Variants in VPS13A observed in about 807,000 individuals in gnomAD.
VPS13A encodes vacuolar protein sorting 13 homolog A.
In VPS13A, 264 loss-of-function variants were observed where a neutral mutation model predicts 390.9. The observed-to-expected ratio is 0.68, with a 90% CI of 0.61 to 0.75. The LOEUF (loss-of-function observed/expected upper bound fraction) is 0.75. Among genes scored for constraint, VPS13A ranks in the 30% least tolerant of loss-of-function variants. The pLI is 0.00. For synonymous variants in VPS13A, 1,231 were observed against 1,227.1 expected (o/e 1.00, Z -0.07); for missense variants, 3,409 against 3,733.9 (o/e 0.91, Z 2.27).
At chr9:77,399,225 C>T (rs1028371901) in intron 68 of VPS13A, among the ~76,000 whole-genome samples, 3 of 132,228 alleles carry the variant, frequency 2.3e-5, no homozygotes, top group Admixed American at 1.6e-4. Flanking sequence ...CGGTTGATTA[C>T]GTTTCAAAAC....
intron 46 of VPS13A, 146 bp from the exon 47 acceptor site, chr9:77,337,109 C>T (rs1270527887): frequency 3.3e-6 from 3 of 912,156 alleles, no homozygotes; most frequent in East Asian, 2.8e-5. Context: ...ATCTATCTTA[C>T]TTATATCGTA....
intron 39 of VPS13A, among the ~76,000 whole-genome samples, chr9:77,316,886 T>C (rs531825416): frequency 3.3e-5 from 5 of 152,232 alleles, no homozygotes; most frequent in Admixed American, 3.3e-4. Flanking sequence ...TATTTTACTC[T>C]CTAGTAACCT....
chr9:77,408,580 G>A (rs904252580), intron 71 of VPS13A, among the ~76,000 whole-genome samples: 1 of 152,212 alleles, frequency 6.6e-6, no homozygotes, highest in African/African-American at 2.4e-5. Flanking sequence ...GGAAAATCGG[G>A]TCACTCCCAC....
chr9:77,284,351 A>G (rs1827214142), intron 31 of VPS13A, among the ~76,000 whole-genome samples: 2 of 152,230 alleles, frequency 1.3e-5, no homozygotes, highest in African/African-American at 4.8e-5. Context: ...AGATAAATAG[A>G]TTTTGCCAGT....
At position 77,262,967 on chromosome 9, in the gene VPS13A, T is replaced by C. The variant is rs569408148; in HGVS notation, c.2427+2743T>C. Among the ~76,000 whole-genome samples the C allele has an allele frequency of 4.6e-4, 70 of 152,276 alleles. 1 individual carries two copies. Among genetic ancestry groups the C allele is most frequent in the Middle Eastern group, 3.4e-3 (1 of 294 alleles). On this transcript the variant is annotated intron_variant, in intron 23 of 71. Coordinates refer to ENST00000360280, the MANE Select transcript of VPS13A (RefSeq NM_033305.3). ...TGTACCCAGTAATGGGATTGCTGGG[T>C]CAAATGGTATTTCTGGTTCTAGATC... is the stretch of plus-strand genomic sequence containing the variant.
At chr9:77,408,741 CT>C (rs1834752904) in intron 71 of VPS13A, among the ~76,000 whole-genome samples, 1 of 152,202 alleles carries the variant, frequency 6.6e-6, no homozygotes, top group Admixed American at 6.5e-5. Flanking sequence ...AGCAGAGAGG[CT>C]GGGGGAGGGG....
intron 54 of VPS13A, among the ~76,000 whole-genome samples, chr9:77,354,743 C>T (rs1831665125): frequency 6.6e-6 from 1 of 152,098 alleles, no homozygotes; most frequent in African/African-American, 2.4e-5. Flanking sequence ...TACTACCTTG[C>T]ATTCCACTTC....
In VPS13A at chr9:77,218,544, T is replaced by A. The variant is rs535583375; in HGVS notation, c.755-1410T>A. Among the ~76,000 whole-genome samples, 12 of 152,302 alleles carry A rather than the reference T, an allele frequency of 7.9e-5. No individual in the cohort carries two copies. The East Asian group carries it at 2.3e-3, about 29-fold the overall frequency. On this transcript the variant is annotated intron_variant, in intron 10 of 71. Transcript: ENST00000360280. ...TTTTCTCCCATTCTACAGTTTGATA[T>A]TTTAATAATCTCTCCAGGTGATTCT...
chr9:77,323,078 C>A lies in VPS13A; in HGVS notation c.5842C>A (p.His1948Asn). Residue 1948 changes from histidine to asparagine, a missense_variant, in exon 45 of 72, where the codon CAT (histidine) becomes AAT (asparagine). Physicochemically the swap from His to Asn is moderately conservative, Grantham distance 68. Transcript: ENST00000360280. ...CTTACTTAATTTAGCACCTGTTAAC[C>A]ATTCTACTGCTGATAAGATTCCTTT... is the stretch of plus-strand genomic sequence containing the variant. Reference protein sequence around the residue: ...LFFILLTPVNHSTADKIPLTK... With the variant: ...LFFILLTPVNNSTADKIPLTK... 1 of 1,611,346 alleles carries A rather than the reference C, an allele frequency of 6.2e-7. No homozygotes were observed. The highest frequency in any genetic ancestry group is 8.5e-7 in the Non-Finnish European group (1 of 1,178,250).
Position 77,353,574 on chromosome 9 carries a change from C to A in VPS13A, c.7585C>A (p.Gln2529Lys), listed in dbSNP as rs1207841768. 2 of 1,613,406 alleles carry A rather than the reference C, an allele frequency of 1.2e-6. No individual in the cohort carries two copies. The highest frequency in any genetic ancestry group is 1.7e-6 in the Non-Finnish European group (2 of 1,179,594). ...AGAGCAAGAAATTGCAGTGGCATTA[C>A]AAGATGTTGGAATTTCTCTTGTCAA... ...LAEQEIAVALQDVGISLVNNY... is the reference protein window; with the variant it reads ...LAEQEIAVALKDVGISLVNNY... Residue 2529 changes from glutamine (Q) to lysine (K), a missense_variant, in exon 54 of 72, where the codon CAA becomes AAA. Coordinates refer to ENST00000360280, the MANE Select transcript of VPS13A (RefSeq NM_033305.3).
Position 77,260,813 on chromosome 9 carries a change from T to A in VPS13A, c.2427+589T>A, listed in dbSNP as rs1032337206. On this transcript the variant is annotated intron_variant, in intron 23 of 71. Coordinates refer to ENST00000360280, the MANE Select transcript of VPS13A (RefSeq NM_033305.3). ...ACTGCTTCTCTAGTTTTTAAAAAAA[T>A]TTTTGTGGCATATACTAGTACACAC... Among the ~76,000 whole-genome samples, 7 of 152,238 alleles carry A rather than the reference T, an allele frequency of 4.6e-5. No homozygotes were observed. The South Asian group carries it at 6.2e-4, about 14-fold the overall frequency.
chr9:77,207,916 C>T (rs948470123), intron 5 of VPS13A, among the ~76,000 whole-genome samples: 15 of 152,070 alleles, frequency 9.9e-5, no homozygotes, highest in African/African-American at 3.6e-4. Flanking sequence ...TTTCATTACC[C>T]TGCAAGATAT....
chr9:77,327,780 A>C (rs6560582), intron 45 of VPS13A, among the ~76,000 whole-genome samples: 3,767 of 152,206 alleles, frequency 0.025, 146 homozygotes, highest in African/African-American at 0.086. Flanking sequence ...CTCCAATTCT[A>C]ATTCTAGTTC....
intron 17 of VPS13A, among the ~76,000 whole-genome samples, chr9:77,233,044 T>A (rs1823926781): frequency 6.6e-6 from 1 of 152,212 alleles, no homozygotes; most frequent in Non-Finnish European, 1.5e-5. Context: ...AAGTAGGATC[T>A]GTAGGTTACA....
Position 77,333,427 on chromosome 9 carries a change from T to G in VPS13A, c.6095+1314T>G, listed in dbSNP as rs952686978. On this transcript the variant is annotated intron_variant, in intron 46 of 71. Transcript: ENST00000360280. Reference sequence around the variant, plus strand: ...ACCAGCTTGGATTTCTCATTAGGCATTTTTTTTTTTTTTTTTTTTTTGAGA... The same window carrying G: ...ACCAGCTTGGATTTCTCATTAGGCAGTTTTTTTTTTTTTTTTTTTTTGAGA... 1.2e-4 allele frequency among the ~76,000 whole-genome samples: 4 copies of G among 32,328 alleles called. No homozygotes were observed. The East Asian group carries it at 6.2e-3, about 50-fold the overall frequency. The allele number at this position is 32,328 out of a possible 152,430, so 21.2% of individuals were successfully genotyped here. A position where few individuals can be genotyped will look rare whatever the true frequency, so the allele number is the denominator to read the frequency against.
chr9:77,273,116 G>A (rs550284398), intron 23 of VPS13A, among the ~76,000 whole-genome samples, 164 bp from the exon 24 acceptor site: 9 of 152,130 alleles, frequency 5.9e-5, no homozygotes, highest in East Asian at 3.9e-4. Flanking sequence ...TAAAATCTGC[G>A]TTTTATAATG....
At chr9:77,321,078 T>C in intron 42 of VPS13A, 91 bp from the exon 43 acceptor site, 1 of 1,192,442 alleles carries the variant, frequency 8.4e-7, no homozygotes, top group Non-Finnish European at 1.2e-6. Context: ...AGATAAAATG[T>C]ACTGACCTTT....
Position 77,317,687 on chromosome 9 carries a change from C to G in VPS13A, c.4945C>G (p.Leu1649Val), listed in dbSNP as rs759281259. Residue 1649 changes from leucine to valine, a missense_variant, in exon 40 of 72, where the codon CTG becomes GTG. Leu to Val is a conservative substitution (Grantham distance 32, BLOSUM62 1). Coordinates refer to ENST00000360280, the MANE Select transcript of VPS13A (RefSeq NM_033305.3). ...PQVIDMSVKS[L>V]TLKVSPVIIN... ...AGTGATCGATATGTCAGTAAAATCC[C>G]TGACACTAAAGGTAAATTAAAATAT... is the stretch of plus-strand genomic sequence containing the variant. 14 of 1,593,472 alleles carry G rather than the reference C, an allele frequency of 8.8e-6. No individual in the cohort carries two copies. The highest frequency in any genetic ancestry group is 4.0e-5 in the African/African-American group (3 of 74,458).
rs773948814 is a variant in VPS13A, at chr9:77,318,241, C to A, written c.4963C>A (p.Pro1655Thr). The A allele has an allele frequency of 1.3e-6, 2 of 1,590,082 alleles. No homozygotes were observed. The highest frequency in any genetic ancestry group is 1.7e-6 in the Non-Finnish European group (2 of 1,169,310). ...SVKSLTLKVS[P>T]VIINTMITIT... is the part of the protein sequence containing the mutation. ...TTAATTTTTTTCCATTTAGGTTTCA[C>A]CAGTTATTATAAATACTATGATTAC... Residue 1655 changes from proline (P) to threonine (T), a missense_variant, in exon 41 of 72, where the codon CCA becomes ACA. By Grantham distance (38) the Pro-to-Thr change is conservative. Around this residue, in one of 5 missense-constraint regions of VPS13A, gnomAD observed 2,717 missense variants for 2,917.4 expected, o/e 0.93. Transcript: ENST00000360280.
Sources: allele counts gnomAD v4.1 joint callset (sites outside exome capture counted in the v4.1 genomes callset), GRCh38; gene constraint gnomAD v4.1.1; regional missense constraint gnomAD v4.1.1; transcripts MANE v1.5; gene names NCBI Gene and HGNC (gene_info 2026-07-23, HGNC 2026-07-21).